The following CPNE6 variants were observed in gnomAD, a reference collection of about 807,000 sequenced individuals.
CPNE6 encodes the protein copine 6.
In CPNE6, 33 loss-of-function variants were observed where a neutral mutation model predicts 71.5. That is an observed-to-expected ratio of 0.46 (90% CI 0.35 to 0.62). CPNE6 has a LOEUF of 0.62. Ranked by LOEUF, CPNE6 falls within the 20% of genes least tolerant of loss-of-function variation. CPNE6 has a pLI of 0.00. For synonymous variants in CPNE6, 296 were observed against 293.0 expected, an observed-to-expected ratio of 1.01 and a Z score of -0.10; for missense variants, 576 against 747.3, an observed-to-expected ratio of 0.77 and a Z score of 2.67.
chr14:24,072,660 G>A, intron 2 of CPNE6: 1 of 351,784 alleles, frequency 2.8e-6, no homozygotes, highest in Non-Finnish European at 5.1e-6. Context: ...AGACTGCCAG[G>A]AACATCCCCA....
chr14:24,076,972 C>T, exon 15 of CPNE6: 2 of 1,612,582 alleles, frequency 1.2e-6, no homozygotes, highest in Non-Finnish European at 1.7e-6. Context: ...AACCGTGTGG[C>T]TGAGCCGGCC....
Position 24,073,100 on chromosome 14 carries a change from T to A in CPNE6, c.164T>A (p.Val55Glu). The A allele has an allele frequency of 6.9e-7, 1 of 1,456,562 alleles. No individual in the cohort carries two copies. The highest frequency in any genetic ancestry group is 9.1e-7 in the Non-Finnish European group (1 of 1,103,524). 90.2% of individuals were successfully genotyped at this position (1,456,562 alleles called of 1,614,324 possible). A position where few individuals can be genotyped will look rare whatever the true frequency, so the allele number is the denominator to read the frequency against. Residue 55 changes from valine to glutamate, a missense_variant, in exon 3 of 18, where the codon GTG becomes GAG. This residue lies in a region of CPNE6 where 89 missense variants were observed against 80.4 expected (regional missense o/e 1.11). Transcript: ENST00000397016. This position sits in a 1 kb window ranked among gnomAD's most constrained non-coding sequence, Gnocchi z 5.5. ...AAGCTCTACTCTGATGAGCAGTGGGTGGAGGTGAGAGCAGCTCAGGTTTCT... is the reference window on the plus strand; with the variant it reads ...AAGCTCTACTCTGATGAGCAGTGGGAGGAGGTGAGAGCAGCTCAGGTTTCT...
intron 1 of CPNE6, chr14:24,071,071 T>C: frequency 6.6e-7 from 1 of 1,516,594 alleles, no homozygotes; most frequent in Non-Finnish European, 8.9e-7. Flanking sequence ...CAGCCCAGTG[T>C]TCCTGTATAT....
In CPNE6 at chr14:24,073,211, G is replaced by A. The variant is rs1284416297; in HGVS notation, c.168+107G>A. On this transcript the variant is annotated intron_variant, in intron 3 of 17. Coordinates refer to ENST00000397016, the Ensembl canonical transcript of CPNE6. The surrounding 1 kb of genome is among the most constrained non-coding windows in gnomAD (Gnocchi z 5.5). Reference sequence around the variant, plus strand: ...TTGCAGGGAAATGTGTGGACTCTGCGGCGCCTTCTCGAGGCCGCTTGGGTA... The same window carrying A: ...TTGCAGGGAAATGTGTGGACTCTGCAGCGCCTTCTCGAGGCCGCTTGGGTA... 15 of 1,263,754 alleles carry A rather than the reference G, an allele frequency of 1.2e-5. No individual in the cohort carries two copies. Among genetic ancestry groups the A allele is most frequent in the Admixed American group, 3.3e-5 (1 of 29,936 alleles). 78.3% of individuals were successfully genotyped at this position (1,263,754 alleles called of 1,614,324 possible). A position where few individuals can be genotyped will look rare whatever the true frequency, so the allele number is the denominator to read the frequency against.
rs1257069026 is a variant in CPNE6, at chr14:24,077,210, T to G, written c.1356T>G (p.Thr452=). ...GTGTGGTGAGCGACATGGCTGAGACTCGCACTGCTATCGTGCGTGCCTCCC... is the reference window on the plus strand; with the variant it reads ...GTGTGGTGAGCGACATGGCTGAGACGCGCACTGCTATCGTGCGTGCCTCCC... The change falls in exon 16 of 18, where the codon ACT becomes ACG. Residue 452 remains threonine, a synonymous_variant. Transcript: ENST00000397016. The surrounding 1 kb of genome is among the most constrained non-coding windows in gnomAD (Gnocchi z 6.1). 6.2e-7 allele frequency: 1 copy of G among 1,611,484 alleles called. No homozygotes were observed. The highest frequency in any genetic ancestry group is 1.1e-5 in the South Asian group (1 of 91,074).
Position 24,074,142 on chromosome 14 carries a change from G to A in CPNE6, c.423+17G>A, listed in dbSNP as rs2035985707. ...ACCATCACGGTAGGCAAGATCACCT[G>A]TACTCACCCTTGGTCCAGGTATTCA... On this transcript the variant is annotated intron_variant, in intron 5 of 17. Coordinates refer to ENST00000397016, the Ensembl canonical transcript of CPNE6. The surrounding 1 kb of genome is among the most constrained non-coding windows in gnomAD (Gnocchi z 4.5). The A allele has an allele frequency of 1.2e-6, 2 of 1,612,980 alleles. No individual in the cohort carries two copies. The highest frequency in any genetic ancestry group is 1.7e-6 in the Non-Finnish European group (2 of 1,179,006).
exon 2 of CPNE6, chr14:24,071,528 C>G: frequency 6.7e-7 from 1 of 1,498,666 alleles, no homozygotes; most frequent in Non-Finnish European, 8.9e-7. Flanking sequence ...CCCATCCAGG[C>G]CCCATAAATA....
At chr14:24,076,723 C>G (rs1252048795) in intron 14 of CPNE6, 156 bp from the exon 14 acceptor site, 3 of 1,447,420 alleles carry the variant, frequency 2.1e-6, no homozygotes, top group Non-Finnish European at 2.9e-6. Flanking sequence ...GCACCCAACT[C>G]TCCCTGCCAA....
At position 24,073,004 on chromosome 14, in the gene CPNE6, A is replaced by G; in HGVS notation, c.68A>G (p.Glu23Gly). The change falls in exon 3 of 18, where the codon GAG becomes GGG. Residue 23 changes from glutamate to glycine, a missense_variant. By Grantham distance (98) the Glu-to-Gly change is moderately conservative. Around this residue, in one of 4 missense-constraint regions of CPNE6, gnomAD observed 89 missense variants for 80.4 expected, o/e 1.11. Transcript: ENST00000397016. This position sits in a 1 kb window ranked among gnomAD's most constrained non-coding sequence, Gnocchi z 5.5. Reference sequence around the variant, plus strand: ...ATGACGCTGGGGGCCTCTCGGGTGGAGCTGCGGGTGTCCTGCCATGGCCTC... The same window carrying G: ...ATGACGCTGGGGGCCTCTCGGGTGGGGCTGCGGGTGTCCTGCCATGGCCTC... 2.5e-6 allele frequency: 4 copies of G among 1,583,338 alleles called. No homozygotes were observed. The highest frequency in any genetic ancestry group is 1.8e-5 in the Admixed American group (1 of 56,252).
chr14:24,071,076 G>A (rs1322918696), intron 1 of CPNE6: 3 of 1,510,072 alleles, frequency 2.0e-6, no homozygotes, highest in Non-Finnish European at 2.7e-6. Context: ...CAGTGTTCCT[G>A]TATATGTGAC....
chr14:24,076,427 C>T lies in CPNE6; in HGVS notation c.1113+13C>T, dbSNP rs148402191. ...CCCCAACTTCGAGGTAGGCTAGATG[C>T]GAGGGAAAGAAGGAGATGGGGGGCG... is the stretch of plus-strand genomic sequence containing the variant. On this transcript the variant is annotated intron_variant, in intron 13 of 17. Transcript: ENST00000397016. 865 of 1,614,154 alleles carry T rather than the reference C, an allele frequency of 5.4e-4. 4 individuals carry two copies. The African/African-American group carries it at 0.01, about 19-fold the overall frequency.
In CPNE6 at chr14:24,075,857, A is replaced by G. The variant is rs2138850910; in HGVS notation, c.895A>G (p.Ile299Val). The change falls in exon 11 of 18, where the codon ATC (isoleucine) becomes GTC (valine). Residue 299 changes from isoleucine to valine, a missense_variant. By Grantham distance (29) the Ile-to-Val change is conservative. Transcript: ENST00000397016. This position sits in a 1 kb window ranked among gnomAD's most constrained non-coding sequence, Gnocchi z 4.3. ...GAAGGTGCACACCTTCCTGGATTAC[A>G]TCATGGGTGGCTGCCAGATCAGCTT... 6.2e-7 allele frequency: 1 copy of G among 1,613,994 alleles called. No homozygotes were observed. The highest frequency in any genetic ancestry group is 1.6e-4 in the Middle Eastern group (1 of 6,062).
rs1566552496 is a variant in CPNE6, at chr14:24,077,060, G to A, written c.1299+48G>A. On this transcript the variant is annotated intron_variant, in intron 15 of 17. Transcript: ENST00000397016. The surrounding 1 kb of genome is among the most constrained non-coding windows in gnomAD (Gnocchi z 6.1). The stretch of plus-strand genomic sequence containing the variant: ...CAGGAGCTGTCCCATGTGTCTTTAA[G>A]TGGTGCCAGGGCCAGGGTCTGCACC... 1.3e-5 allele frequency: 21 copies of A among 1,602,808 alleles called. No individual in the cohort carries two copies. Among genetic ancestry groups the A allele is most frequent in the Non-Finnish European group, 1.4e-5 (17 of 1,178,740 alleles).
intron 1 of CPNE6, 71 bp from the exon 1 acceptor site, chr14:24,071,491 C>A: frequency 1.3e-6 from 2 of 1,528,070 alleles, no homozygotes; most frequent in Non-Finnish European, 1.7e-6. Context: ...GCGGGGGGAG[C>A]TGGTGCTGCG....
exon 15 of CPNE6, chr14:24,076,995 A>G (rs571092511): frequency 1.9e-6 from 3 of 1,611,118 alleles, no homozygotes; most frequent in East Asian, 4.5e-5. Flanking sequence ...GCGGGAGCAG[A>G]GCACCGGCCA....
chr14:24,071,501 G>GCGCGCC, intron 1 of CPNE6, 61 bp from the exon 1 acceptor site: 1 of 1,416,700 alleles, frequency 7.1e-7, no homozygotes, highest in Non-Finnish European at 9.3e-7. Flanking sequence ...CTGGTGCTGC[G>GCGCGCC]CCCCCCCCCA....
Position 24,074,747 on chromosome 14 carries a change from C to T in CPNE6, c.624C>T (p.Arg208=). 6.2e-7 allele frequency: 1 copy of T among 1,614,056 alleles called. No homozygotes were observed. Among genetic ancestry groups the T allele is most frequent in the Middle Eastern group, 1.6e-4 (1 of 6,062 alleles). Reference sequence around the variant, plus strand: ...TGAACCCCAGCTGGGAGCCGTTCCGCCTGTCCCTGCATTCCCTATGCAGCT... The same window carrying T: ...TGAACCCCAGCTGGGAGCCGTTCCGTCTGTCCCTGCATTCCCTATGCAGCT... Residue 208 remains arginine (R), a synonymous_variant, in exon 8 of 18, where the codon CGC becomes CGT. Transcript: ENST00000397016. The surrounding 1 kb of genome is among the most constrained non-coding windows in gnomAD (Gnocchi z 4.5).
Position 24,073,319 on chromosome 14 carries a change from G to A in CPNE6, c.169-180G>A, listed in dbSNP as rs1338515662. 6.6e-6 allele frequency among the ~76,000 whole-genome samples: 1 copy of A among 152,186 alleles called. No homozygotes were observed. The highest frequency in any genetic ancestry group is 2.4e-5 in the African/African-American group (1 of 41,442). Reference sequence around the variant, plus strand: ...CCCAAAGGCCTCATGATAGCCCGGAGGACTGAGAGTCCAGTGGGCAGGCAG... The same window carrying A: ...CCCAAAGGCCTCATGATAGCCCGGAAGACTGAGAGTCCAGTGGGCAGGCAG... On this transcript the variant is annotated intron_variant, in intron 3 of 17. Transcript: ENST00000397016. The surrounding 1 kb of genome is among the most constrained non-coding windows in gnomAD (Gnocchi z 5.5).
chr14:24,071,300 C>A, intron 1 of CPNE6: 1 of 1,385,384 alleles, frequency 7.2e-7, no homozygotes, highest in Non-Finnish European at 9.5e-7. Context: ...CATGCCACTG[C>A]AATGTGCGCA....
Sources: allele counts gnomAD v4.1 joint callset (sites outside exome capture counted in the v4.1 genomes callset), GRCh38; gene constraint gnomAD v4.1.1; regional missense constraint gnomAD v4.1.1; non-coding constraint Gnocchi (gnomAD v3.1); transcripts MANE v1.5; gene names NCBI Gene and HGNC (gene_info 2026-07-23, HGNC 2026-07-21).